Variants in MACROD2 observed in about 807,000 individuals in gnomAD.
MACROD2 encodes the protein mono-ADP ribosylhydrolase 2, also known as ADP-ribose glycohydrolase MACROD2.
MACROD2 carries 36 observed loss-of-function variants against 70.4 expected under a neutral mutation model. That is an observed-to-expected ratio of 0.51 (90% CI 0.39 to 0.68). MACROD2 has a LOEUF of 0.68. Ranked by LOEUF, MACROD2 falls within the 30% of genes least tolerant of loss-of-function variation. The probability of loss-of-function intolerance (pLI) is 0.00; values close to 1 mark genes in which losing one functional copy is unlikely to be tolerated. For missense variants in MACROD2, 496 were observed against 538.4 expected (o/e 0.92, Z 0.78); for synonymous variants, 172 against 178.8 (o/e 0.96, Z 0.30).
chr20:14,505,360 C>A (rs2084957259), intron 4 of MACROD2, among the ~76,000 whole-genome samples: 2 of 152,166 alleles, frequency 1.3e-5, no homozygotes, highest in Non-Finnish European at 2.9e-5. Flanking sequence ...GCTCTTAAAT[C>A]TGTCTAGTGT....
intron 5 of MACROD2, among the ~76,000 whole-genome samples, chr20:15,091,868 C>T (rs2075795544): frequency 6.6e-6 from 1 of 152,114 alleles, no homozygotes; most frequent in African/African-American, 2.4e-5. Context: ...GTACTATACA[C>T]AGTGCTTTAT....
At chr20:15,952,129 T>C (rs1347301838) in intron 12 of MACROD2, among the ~76,000 whole-genome samples, 3 of 148,064 alleles carry the variant, frequency 2.0e-5, no homozygotes, top group East Asian at 3.9e-4. Flanking sequence ...CCATGTAAGA[T>C]GTCACTTGCT....
intron 8 of MACROD2, among the ~76,000 whole-genome samples, chr20:15,614,227 A>G (rs1325753817): frequency 1.3e-5 from 2 of 152,170 alleles, no homozygotes; most frequent in African/African-American, 4.8e-5. Context: ...CACTCAACAA[A>G]TGGTAGATTT....
intron 5 of MACROD2, among the ~76,000 whole-genome samples, chr20:14,952,452 G>T (rs1157638867): frequency 6.6e-6 from 1 of 152,170 alleles, no homozygotes; most frequent in Non-Finnish European, 1.5e-5. Context: ...TTGAAGTTGA[G>T]ATTTTGGATT....
At chr20:15,045,543 G>C (rs2075386554) in intron 5 of MACROD2, among the ~76,000 whole-genome samples, 1 of 151,976 alleles carries the variant, frequency 6.6e-6, no homozygotes, top group Admixed American at 6.6e-5. Context: ...TCCTTAGTTT[G>C]CCTTTTTAAT....
chr20:14,896,801 G>C (rs1360797637), intron 5 of MACROD2, among the ~76,000 whole-genome samples: 3 of 152,160 alleles, frequency 2.0e-5, no homozygotes, highest in Admixed American at 2.0e-4. Context: ...CAGTCCACAT[G>C]ATGAATCCTA....
intron 3 of MACROD2, among the ~76,000 whole-genome samples, chr20:14,252,438 G>T (rs2082020842): frequency 1.3e-5 from 2 of 151,892 alleles, no homozygotes; most frequent in Admixed American, 6.6e-5. Context: ...CCCCAAAGAG[G>T]AGTCTCTGTT....
chr20:15,003,547 A>G (rs2075011941), intron 5 of MACROD2, among the ~76,000 whole-genome samples: 1 of 152,238 alleles, frequency 6.6e-6, no homozygotes, highest in Non-Finnish European at 1.5e-5. Context: ...CTGTCTTTGC[A>G]TAAATTATAT....
At chr20:14,403,124 C>T (rs1242429924) in intron 3 of MACROD2, among the ~76,000 whole-genome samples, 4 of 151,866 alleles carry the variant, frequency 2.6e-5, no homozygotes, top group Admixed American at 6.6e-5. Flanking sequence ...GGAATTTTCT[C>T]AAGATGAGAC....
At chr20:14,424,899 A>G (rs1007167077) in intron 3 of MACROD2, among the ~76,000 whole-genome samples, 1 of 152,362 alleles carries the variant, frequency 6.6e-6, no homozygotes, top group East Asian at 1.9e-4. Flanking sequence ...ATATTTAATG[A>G]AAGTCCAAGT....
intron 3 of MACROD2, among the ~76,000 whole-genome samples, chr20:14,252,224 A>G (rs1343899543): frequency 6.6e-6 from 1 of 152,000 alleles, no homozygotes; most frequent in African/African-American, 2.4e-5. Flanking sequence ...TGCTAAGTTT[A>G]TCCAAATCAG....
intron 7 of MACROD2, among the ~76,000 whole-genome samples, chr20:15,469,341 A>G (rs1191981808): frequency 1.3e-5 from 2 of 152,192 alleles, no homozygotes; most frequent in Non-Finnish European, 2.9e-5. Flanking sequence ...AGAAGGTAGC[A>G]CAGGTGAGGG....
chr20:14,603,777 T>C (rs1352833496), intron 4 of MACROD2, among the ~76,000 whole-genome samples: 1 of 152,210 alleles, frequency 6.6e-6, no homozygotes, highest in African/African-American at 2.4e-5. Flanking sequence ...TTGAGCTACA[T>C]GGACTTTAAG....
intron 10 of MACROD2, among the ~76,000 whole-genome samples, chr20:15,914,400 C>T (rs985740639): frequency 6.6e-6 from 1 of 152,170 alleles, no homozygotes; most frequent in Non-Finnish European, 1.5e-5. Flanking sequence ...GGACATGAAC[C>T]TAAGGCAGTT....
At chr20:14,297,015 AT>A (rs2082433085) in intron 3 of MACROD2, among the ~76,000 whole-genome samples, 1 of 151,756 alleles carries the variant, frequency 6.6e-6, no homozygotes, top group Non-Finnish European at 1.5e-5. Flanking sequence ...CATTATTATT[AT>A]ATCTCTTATG....
At chr20:15,579,056 A>T (rs1233033625) in intron 8 of MACROD2, among the ~76,000 whole-genome samples, 2 of 152,202 alleles carry the variant, frequency 1.3e-5, no homozygotes, top group African/African-American at 2.4e-5. Flanking sequence ...GGTCGTTCTA[A>T]ACTCTTCTCC....
intron 5 of MACROD2, among the ~76,000 whole-genome samples, chr20:15,082,876 A>G (rs1344924706): frequency 6.6e-6 from 1 of 152,144 alleles, no homozygotes; most frequent in Non-Finnish European, 1.5e-5. Context: ...CCAAATGCCA[A>G]AGGGTAAAAA....
intron 8 of MACROD2, among the ~76,000 whole-genome samples, chr20:15,717,645 A>C (rs954242860): frequency 1.3e-5 from 2 of 152,192 alleles, no homozygotes; most frequent in African/African-American, 4.8e-5. Context: ...AGAATTTAGA[A>C]GGAGCAGGCC....
chr20:14,100,830 TATATA>T (rs367574917), intron 3 of MACROD2, among the ~76,000 whole-genome samples: 7,894 of 139,196 alleles, frequency 0.057, 299 homozygotes, highest in East Asian at 0.2. Context: ...ATATATAACA[TATATA>T]ATATAATATA....
Sources: gnomAD v4.1 joint callset for allele counts (sites outside exome capture counted in the v4.1 genomes callset) on GRCh38, gnomAD v4.1.1 for gene constraint, MANE v1.5 for transcripts, NCBI Gene and HGNC (gene_info 2026-07-23, HGNC 2026-07-21) for gene names.